The following IFT122 variants were observed in gnomAD, a reference collection of about 807,000 sequenced individuals.
IFT122 encodes the protein intraflagellar transport protein 122 homolog.
A neutral mutation model predicts 161.6 loss-of-function variants in IFT122; 118 were observed. The ratio of observed to expected loss-of-function variants is 0.73; its 90% CI spans 0.63 to 0.85. The LOEUF (loss-of-function observed/expected upper bound fraction) is 0.85, where lower values mean the gene tolerates loss of function less well. Among genes scored for constraint, IFT122 ranks in the 40% least tolerant of loss-of-function variants. The pLI, the probability that IFT122 is intolerant of heterozygous loss-of-function variation, is 0.00. For missense variants in IFT122, 1,381 were observed against 1,579.6 expected (o/e 0.87, Z 2.13); for synonymous variants, 550 against 602.4 (o/e 0.91, Z 1.27).
In IFT122 at chr3:129,487,857, G is replaced by T. The variant is rs1431809140; in HGVS notation, c.1852-400G>T. 3.9e-5 allele frequency: 13 copies of T among 332,828 alleles called. No homozygotes were observed. The East Asian group carries it at 1.0e-3, about 26-fold the overall frequency. The allele number at this position is 332,828 out of a possible 1,614,324, so 20.6% of individuals were successfully genotyped here. A position where few individuals can be genotyped will look rare whatever the true frequency, so the allele number is the denominator to read the frequency against. On this transcript the variant is annotated intron_variant, in intron 15 of 29. Transcript: ENST00000348417. ...AAGCTGAGACTCTTTCCCCTGGGGT[G>T]GGGGCTTGAGGGGCTTGGGAGGACT... is the stretch of plus-strand genomic sequence containing the variant.
intron 25 of IFT122, 97 bp downstream of exon 25, chr3:129,514,651 G>GC: frequency 7.2e-7 from 1 of 1,386,646 alleles, no homozygotes. Context: ...AAGAGAGACA[G>GC]CTGCAGCTCC....
intron 26 of IFT122, among the ~76,000 whole-genome samples, chr3:129,517,268 G>GCACGCGCGCA (rs1553776446): frequency 6.0e-5 from 7 of 117,004 alleles, no homozygotes; most frequent in African/African-American, 2.3e-4. Flanking sequence ...CATTGCTCCT[G>GCACGCGCGCA]CACACACACA....
intron 18 of IFT122, among the ~76,000 whole-genome samples, chr3:129,497,633 C>T (rs1162853806): frequency 6.6e-6 from 1 of 152,176 alleles, no homozygotes; most frequent in East Asian, 1.9e-4. Flanking sequence ...CCCATTTACA[C>T]ACTCCATTTG....
At chr3:129,476,947 T>TTC in intron 11 of IFT122, 146 bp downstream of exon 11, 1 of 317,680 alleles carries the variant, frequency 3.1e-6, no homozygotes. Context: ...CTTGTTTTCT[T>TTC]TTTTTTTTTT....
intron 1 of IFT122, among the ~76,000 whole-genome samples, chr3:129,445,322 C>A (rs771324957): frequency 1.3e-5 from 2 of 150,376 alleles, no homozygotes; most frequent in African/African-American, 2.5e-5. Flanking sequence ...CAAGACTCCA[C>A]CTCAAAAAAA....
chr3:129,442,661 C>T (rs143670183), intron 1 of IFT122, among the ~76,000 whole-genome samples: 160 of 152,086 alleles, frequency 1.1e-3, no homozygotes, highest in Non-Finnish European at 2.0e-3. Context: ...CATTGTCTCC[C>T]GGTCTGCTCC....
At chr3:129,485,758 A>G (rs1411438427) in intron 15 of IFT122, among the ~76,000 whole-genome samples, 2 of 152,262 alleles carry the variant, frequency 1.3e-5, no homozygotes, top group South Asian at 4.1e-4. Flanking sequence ...TTCCTCTGCC[A>G]GGACTTTAAG....
chr3:129,488,548 T>C (rs1222716072), intron 16 of IFT122, 151 bp downstream of exon 16: 10 of 972,668 alleles, frequency 1.0e-5, no homozygotes, highest in African/African-American at 1.6e-5. Flanking sequence ...ACTTCCTCAC[T>C]GTGGGCCTGG....
rs1469378926 is a variant in IFT122 at position 129,449,875 on chromosome 3, A to C, written c.46A>C (p.Asn16His). ...TWRDKAEHCI[N>H]DIAFKPDGTQ... Reference sequence around the variant, plus strand: ...TTTCCCTTGTCTTCTGTTCAGTATAAATGACATCGCATTTAAGCCTGATGG... The same window carrying C: ...TTTCCCTTGTCTTCTGTTCAGTATACATGACATCGCATTTAAGCCTGATGG... Residue 16 changes from asparagine (N) to histidine (H), a missense_variant, in exon 2 of 30, where the codon AAT becomes CAT. Asn to His is a moderately conservative substitution (Grantham distance 68). Around this residue, in one of 7 missense-constraint regions of IFT122, gnomAD observed 134 missense variants for 137.4 expected, o/e 0.98. Coordinates refer to ENST00000348417, the MANE Select transcript of IFT122 (RefSeq NM_052989.3). 1 of 1,611,524 alleles carries C rather than the reference A, an allele frequency of 6.2e-7. No homozygotes were observed. Among genetic ancestry groups the C allele is most frequent in the Admixed American group, 1.7e-5 (1 of 60,022 alleles).
At chr3:129,487,272 A>C (rs2079397495) in intron 15 of IFT122, among the ~76,000 whole-genome samples, 1 of 152,232 alleles carries the variant, frequency 6.6e-6, no homozygotes, top group Admixed American at 6.5e-5. Flanking sequence ...ACTCATTCTC[A>C]GGCCTGCACG....
chr3:129,503,153 T>C (rs904447618), intron 20 of IFT122, among the ~76,000 whole-genome samples: 2 of 152,158 alleles, frequency 1.3e-5, no homozygotes, highest in African/African-American at 4.8e-5. Flanking sequence ...GGGATGTTAG[T>C]GTGAACACGA....
intron 13 of IFT122, among the ~76,000 whole-genome samples, chr3:129,480,455 C>T (rs140805938): frequency 1.3e-5 from 2 of 152,306 alleles, no homozygotes; most frequent in African/African-American, 4.8e-5. Context: ...GTGTTCTTTG[C>T]TCAGCATAAG....
At chr3:129,482,037 G>A (rs2078717059) in intron 14 of IFT122, among the ~76,000 whole-genome samples, 3 of 152,360 alleles carry the variant, frequency 2.0e-5, no homozygotes, top group South Asian at 2.1e-4. Context: ...TGAATGGGGC[G>A]ATGGATGCAC....
At chr3:129,466,023 G>T (rs1194713648) in intron 7 of IFT122, among the ~76,000 whole-genome samples, 1 of 151,960 alleles carries the variant, frequency 6.6e-6, no homozygotes, top group Non-Finnish European at 1.5e-5. Context: ...TGGCCAGGCT[G>T]GTCTTGAACT....
At chr3:129,512,174 C>A in intron 23 of IFT122, 138 bp from the exon 24 acceptor site, 1 of 757,042 alleles carries the variant, frequency 1.3e-6, no homozygotes, top group Non-Finnish European at 2.4e-6. Flanking sequence ...TGGCGCTCAG[C>A]ACACAGTAGG....
At chr3:129,458,569 T>C in intron 3 of IFT122, 30 bp from the exon 4 acceptor site, 1 of 1,570,078 alleles carries the variant, frequency 6.4e-7, no homozygotes, top group South Asian at 1.1e-5. Flanking sequence ...AAGATAAATG[T>C]AAGACTTTCC....
intron 16 of IFT122, among the ~76,000 whole-genome samples, chr3:129,490,412 A>G (rs2079929124): frequency 6.6e-6 from 1 of 152,084 alleles, no homozygotes; most frequent in Non-Finnish European, 1.5e-5. Flanking sequence ...CCAGACCCTG[A>G]GCAGAGCTGC....
chr3:129,511,434 G>A (rs898575102), intron 23 of IFT122, among the ~76,000 whole-genome samples: 2 of 152,216 alleles, frequency 1.3e-5, no homozygotes, highest in African/African-American at 4.8e-5. Context: ...AAGCTTTGGT[G>A]GCTCAGTGAT....
intron 19 of IFT122, among the ~76,000 whole-genome samples, chr3:129,502,354 A>G (rs1201662025): frequency 1.3e-5 from 2 of 152,204 alleles, no homozygotes; most frequent in Non-Finnish European, 2.9e-5. Flanking sequence ...GATGGAAATA[A>G]TCATGCCCAC....
Sources: allele counts gnomAD v4.1 joint callset (sites outside exome capture counted in the v4.1 genomes callset), GRCh38; gene constraint gnomAD v4.1.1; regional missense constraint gnomAD v4.1.1; transcripts MANE v1.5; gene names NCBI Gene and HGNC (gene_info 2026-07-23, HGNC 2026-07-21).